SLC27A1: variants seen among roughly 807,000 people sequenced by gnomAD.
The protein encoded by SLC27A1 is solute carrier family 27 member 1, also known as long-chain fatty acid transport protein 1.
Under a neutral mutation model 62.2 loss-of-function variants are expected in SLC27A1, and 61 were observed. The ratio of observed to expected loss-of-function variants is 0.98; its 90% confidence interval spans 0.80 to 1.21. The LOEUF is 1.21. Among genes scored for constraint, SLC27A1 ranks in the 50% most tolerant of loss-of-function variants. SLC27A1 has a pLI of 0.00. For missense variants in SLC27A1, 903 were observed against 932.1 expected, an observed-to-expected ratio of 0.97 and a Z score of 0.41; for synonymous variants, 435 against 408.6, an observed-to-expected ratio of 1.06 and a Z score of -0.78.
At chr19:17,479,626 A>G (rs111382588) in intron 1 of SLC27A1, among the ~76,000 whole-genome samples, 1,888 of 136,388 alleles carry the variant, frequency 0.014, 23 homozygotes, top group Non-Finnish European at 0.021. Context: ...TTCATATTCT[A>G]TTGTTGTTTC....
chr19:17,479,751 C>A (rs922498714), intron 1 of SLC27A1, among the ~76,000 whole-genome samples: 1 of 152,066 alleles, frequency 6.6e-6, no homozygotes, highest in African/African-American at 2.4e-5. Flanking sequence ...TCAAGTGATT[C>A]TTGTGCCTCA....
rs1427677078 is a variant in SLC27A1, at chr19:17,500,641, C to T, written c.1471+9C>T. ...CAGCGCCTACCTCTCAGGTGCGCAG[C>T]CTGCTAGGCCCCGGTGACTGGCTGT... On this transcript the variant is annotated intron_variant, in intron 9 of 11. Coordinates refer to ENST00000252595, the MANE Select transcript of SLC27A1 (RefSeq NM_198580.3). 6.2e-7 allele frequency: 1 copy of T among 1,613,766 alleles called. No individual in the cohort carries two copies. The highest frequency in any genetic ancestry group is 8.5e-7 in the Non-Finnish European group (1 of 1,179,976).
rs2075248611 is a variant in SLC27A1, at chr19:17,487,486, G to A, written c.751G>A (p.Gly251Arg). Reference sequence around the variant, plus strand: ...TCGTCTTTTCTACATCTACACGTCGGGGACCACCGGGCTGCCCAAGGCTGC... The same window carrying A: ...TCGTCTTTTCTACATCTACACGTCGAGGACCACCGGGCTGCCCAAGGCTGC... ...DDRLFYIYTSGTTGLPKAAIV... is the reference protein window; with the variant it reads ...DDRLFYIYTSRTTGLPKAAIV... Residue 251 changes from glycine (G) to arginine (R), a missense_variant, in exon 4 of 12, where the codon GGG becomes AGG. Gly to Arg is a moderately radical substitution (Grantham distance 125). Transcript: ENST00000252595. 6.2e-7 allele frequency: 1 copy of A among 1,610,692 alleles called. No individual in the cohort carries two copies. Among genetic ancestry groups the A allele is most frequent in the African/African-American group, 1.3e-5 (1 of 74,532 alleles).
rs1424028270 is a variant in SLC27A1 at position 17,488,903 on chromosome 19, G to C, written c.850G>C (p.Val284Leu). Reference sequence around the variant, plus strand: ...CGCCTACCGCATGCAGGCGGCTGACGTGCTCTATGACTGCCTGCCCCTGTA... The same window carrying C: ...CGCCTACCGCATGCAGGCGGCTGACCTGCTCTATGACTGCCTGCCCCTGTA... ...HHAYRMQAAD[V>L]LYDCLPLYHS... The change falls in exon 5 of 12, where the codon GTG becomes CTG. Residue 284 changes from valine to leucine, a missense_variant. Val to Leu is a conservative substitution (Grantham distance 32). Transcript: ENST00000252595. 4 of 1,613,968 alleles carry C rather than the reference G, an allele frequency of 2.5e-6. No individual in the cohort carries two copies.
intron 6 of SLC27A1, among the ~76,000 whole-genome samples, chr19:17,490,309 G>T (rs952724594): frequency 1.3e-5 from 2 of 151,786 alleles, no homozygotes; most frequent in African/African-American, 4.8e-5. Context: ...GCACCACCAC[G>T]CCTGGCCCAC....
At chr19:17,499,439 C>T (rs1449592502) in intron 7 of SLC27A1, 1 of 152,008 alleles carries the variant, frequency 6.6e-6, no homozygotes, top group East Asian at 1.9e-4. Context: ...TGTCTATGAT[C>T]TAGATCTAGT....
chr19:17,490,245 G>A (rs547320968), intron 6 of SLC27A1: 1 of 152,252 alleles, frequency 6.6e-6, no homozygotes, highest in East Asian at 1.9e-4. Context: ...TTGACCTCCT[G>A]GGCTCAAGTG....
rs761573684 is a variant in SLC27A1 at position 17,500,340 on chromosome 19, G to A, written c.1269G>A (p.Lys423=). 6.2e-6 allele frequency: 10 copies of A among 1,614,120 alleles called. No homozygotes were observed. The African/African-American group carries it at 1.2e-4, about 19-fold the overall frequency. ...LPHVYPIRLV[K]VNEDTMELLR... is the part of the protein sequence containing the mutation. ...ACGTGTACCCCATCCGGCTGGTGAAGGTCAATGAGGACACAATGGAGCTGC... is the reference window on the plus strand; with the variant it reads ...ACGTGTACCCCATCCGGCTGGTGAAAGTCAATGAGGACACAATGGAGCTGC... The change falls in exon 8 of 12, where the codon AAG becomes AAA. Residue 423 remains lysine, a synonymous_variant. Coordinates refer to ENST00000252595, the MANE Select transcript of SLC27A1 (RefSeq NM_198580.3).
Position 17,504,841 on chromosome 19 carries a change from T to C in SLC27A1, c.*229T>C, listed in dbSNP as rs1165222802. 8 of 693,392 alleles carry C rather than the reference T, an allele frequency of 1.2e-5. No homozygotes were observed. Among genetic ancestry groups the C allele is most frequent in the Non-Finnish European group, 2.1e-5 (8 of 380,180 alleles). The allele number at this position is 693,392 out of a possible 1,614,324, so 43.0% of individuals were successfully genotyped here. On this transcript the variant is annotated 3_prime_UTR_variant, in exon 12 of 12. Coordinates refer to ENST00000252595, the MANE Select transcript of SLC27A1 (RefSeq NM_198580.3). ...CCCTGCTTTTCAGCCTCTGTCTCCT[T>C]CCATCCCTGTCCCTGTCTGGCCTTA...
intron 1 of SLC27A1, among the ~76,000 whole-genome samples, chr19:17,479,230 A>G (rs1345774075): frequency 6.6e-6 from 1 of 152,156 alleles, no homozygotes; most frequent in East Asian, 1.9e-4. Context: ...ACAAAATGAG[A>G]TCCCTTCTCT....
At chr19:17,478,248 C>T (rs1159796479) in intron 1 of SLC27A1, among the ~76,000 whole-genome samples, 1 of 151,820 alleles carries the variant, frequency 6.6e-6, no homozygotes, top group Non-Finnish European at 1.5e-5. Context: ...AGGCGGATCA[C>T]CTGAGGTCAG....
chr19:17,470,461 C>G, upstream of SLC27A1: 4 of 1,324,364 alleles, frequency 3.0e-6, no homozygotes, highest in South Asian at 6.5e-5. Context: ...GCTGTAGAGG[C>G]GGGGGCGGTC....
chr19:17,473,320 T>C (rs2075094288), intron 1 of SLC27A1, among the ~76,000 whole-genome samples: 1 of 152,198 alleles, frequency 6.6e-6, no homozygotes, highest in Admixed American at 6.5e-5. Context: ...CGATCGAGAT[T>C]TCACCCCTTC....
rs141946014 is a variant in SLC27A1, at chr19:17,505,309, G to A, written c.*697G>A. 1.7e-4 allele frequency: 29 copies of A among 174,938 alleles called. No individual in the cohort carries two copies. Among genetic ancestry groups the A allele is most frequent in the African/African-American group, 6.5e-4 (27 of 41,760 alleles). The allele number at this position is 174,938 out of a possible 1,614,324, so 10.8% of individuals were successfully genotyped here. On this transcript the variant is annotated 3_prime_UTR_variant, in exon 12 of 12. Coordinates refer to ENST00000252595, the MANE Select transcript of SLC27A1 (RefSeq NM_198580.3). Reference sequence around the variant, plus strand: ...CAGGAATCATCTCCCCTGGGCCCTGGACTCGGACTGGGGCCTCCCCACCTC... The same window carrying A: ...CAGGAATCATCTCCCCTGGGCCCTGAACTCGGACTGGGGCCTCCCCACCTC...
In SLC27A1 at chr19:17,500,732, G is replaced by A; in HGVS notation, c.1492G>A (p.Glu498Lys). The change falls in exon 10 of 12, where the codon GAG becomes AAG. Residue 498 changes from glutamate to lysine, a missense_variant. Glu to Lys is a moderately conservative substitution (Grantham distance 56). Coordinates refer to ENST00000252595, the MANE Select transcript of SLC27A1 (RefSeq NM_198580.3). The part of the protein sequence containing the change: ...YLSGDVLVMD[E>K]LGYMYFRDRS... ...GCCAGGTGACGTGCTAGTGATGGAT[G>A]AGCTGGGCTACATGTACTTCCGGGA... is the stretch of plus-strand genomic sequence containing the variant. 1.2e-6 allele frequency: 2 copies of A among 1,614,120 alleles called. No homozygotes were observed. The highest frequency in any genetic ancestry group is 1.7e-6 in the Non-Finnish European group (2 of 1,180,026).
rs2075455140 is a variant in SLC27A1, at chr19:17,504,555, C to A, written c.1884C>A (p.Tyr628Ter). ...TCCTGGACCTGAAGCAGGGCCACTA[C>A]CTGCCCTTAAATGAGGCAGTCTACA... ...LFFLDLKQGHYLPLNEAVYTR... is the reference protein window; with the variant it reads ...LFFLDLKQGH Residue 628 changes from tyrosine (Y) to a stop codon, truncating the protein, a stop_gained, in exon 12 of 12, where the codon TAC becomes TAA. Coordinates refer to ENST00000252595, the MANE Select transcript of SLC27A1 (RefSeq NM_198580.3). LOFTEE classifies it high-confidence loss of function. The A allele has an allele frequency of 1.9e-6, 3 of 1,614,200 alleles. No individual in the cohort carries two copies. Among genetic ancestry groups the A allele is most frequent in the Non-Finnish European group, 2.5e-6 (3 of 1,180,038 alleles).
In SLC27A1 at chr19:17,486,658, G is replaced by C; in HGVS notation, c.263G>C (p.Arg88Pro). Residue 88 changes from arginine to proline, a missense_variant, in exon 2 of 12, where the codon CGA (arginine) becomes CCA (proline). Arg to Pro is a moderately radical substitution (Grantham distance 103). Coordinates refer to ENST00000252595, the MANE Select transcript of SLC27A1 (RefSeq NM_198580.3). The surrounding 1 kb of genome is among the most constrained non-coding windows in gnomAD (Gnocchi z 6.6). ...CGCATCTTTCAGGCGGTAGTGCAGC[G>C]ACAGCCCGAGCGCCTGGCGCTGGTG... The part of the protein sequence containing the change: ...IPRIFQAVVQ[R>P]QPERLALVDA... The C allele has an allele frequency of 6.2e-7, 1 of 1,608,046 alleles. No homozygotes were observed. Among genetic ancestry groups the C allele is most frequent in the Non-Finnish European group, 8.5e-7 (1 of 1,179,434 alleles).
At chr19:17,476,537 CAAAAAA>C (rs11332045) in intron 1 of SLC27A1, among the ~76,000 whole-genome samples, 1 of 96,060 alleles carries the variant, frequency 1.0e-5, no homozygotes, top group Admixed American at 1.1e-4. Flanking sequence ...GACTCTGTCT[CAAAAAA>C]AAAAAAAAAA....
At chr19:17,482,192 G>A (rs1461791307) in intron 1 of SLC27A1, among the ~76,000 whole-genome samples, 4 of 152,160 alleles carry the variant, frequency 2.6e-5, no homozygotes, top group African/African-American at 9.7e-5. Flanking sequence ...AGGACACGGT[G>A]GTAAATGAGT....
Sources: allele counts gnomAD v4.1 joint callset (sites outside exome capture counted in the v4.1 genomes callset), GRCh38; gene constraint gnomAD v4.1.1; non-coding constraint Gnocchi (gnomAD v3.1); transcripts MANE v1.5; gene names NCBI Gene and HGNC (gene_info 2026-07-23, HGNC 2026-07-21).